Variants in MYBPH observed in about 807,000 individuals in gnomAD.
MYBPH encodes the protein myosin binding protein H, also known as myosin-binding protein H.
In MYBPH, 49 loss-of-function variants were observed where a neutral mutation model predicts 53.6. The observed-to-expected ratio is 0.91, with a 90% CI of 0.73 to 1.16. MYBPH has a LOEUF of 1.16. Ranked by LOEUF, MYBPH falls within the 50% of genes most tolerant of loss-of-function variation. The probability of loss-of-function intolerance (pLI) is 0.00; values close to 1 mark genes in which losing one functional copy is unlikely to be tolerated. For missense variants in MYBPH, 558 were observed against 624.1 expected, an observed-to-expected ratio of 0.89 and a Z score of 1.13; for synonymous variants, 239 against 249.6, an observed-to-expected ratio of 0.96 and a Z score of 0.40.
In MYBPH at chr1:203,171,937, G is replaced by C. The variant is rs1312816770; in HGVS notation, c.597+15C>G. Reference sequence around the variant, plus strand: ...TCCCACCCAGGCTGTTACCCTTGGTGGGGGTAATACCCACCTGGAAGGGGA... The same window carrying C: ...TCCCACCCAGGCTGTTACCCTTGGTCGGGGTAATACCCACCTGGAAGGGGA... On this transcript the variant is annotated intron_variant, in intron 4 of 10. Coordinates refer to ENST00000255416, the MANE Select transcript of MYBPH (RefSeq NM_004997.3). This position sits in a 1 kb window ranked among gnomAD's most constrained non-coding sequence, Gnocchi z 4.2. 1 of 1,323,078 alleles carries C rather than the reference G, an allele frequency of 7.6e-7. No homozygotes were observed. Among genetic ancestry groups the C allele is most frequent in the Admixed American group, 3.1e-5 (1 of 31,758 alleles). 82.0% of individuals were successfully genotyped at this position (1,323,078 alleles called of 1,614,324 possible). A position where few individuals can be genotyped will look rare whatever the true frequency, so the allele number is the denominator to read the frequency against.
chr1:203,176,056 G>C (rs1369302947), upstream of MYBPH, among the ~76,000 whole-genome samples: 1 of 152,184 alleles, frequency 6.6e-6, no homozygotes, highest in Non-Finnish European at 1.5e-5. Context: ...CTGGGGGAGG[G>C]CGCAGATGGG....
At position 203,170,288 on chromosome 1, in the gene MYBPH, C is replaced by T; in HGVS notation, c.1093+3G>A. ...GCACAGCCAGCTCCGGGCCCAAACC[C>T]ACCTGCCTTCTGGATGTGGGCGAGC... On this transcript the variant is annotated splice_donor_region_variant and intron_variant, in intron 7 of 10. Transcript: ENST00000255416. The T allele has an allele frequency of 6.2e-7, 1 of 1,614,032 alleles. No homozygotes were observed. The highest frequency in any genetic ancestry group is 1.1e-5 in the South Asian group (1 of 91,058).
intron 6 of MYBPH, 129 bp from the exon 7 acceptor site, chr1:203,170,579 G>A (rs1302786255): frequency 1.6e-6 from 2 of 1,229,212 alleles, no homozygotes; most frequent in East Asian, 5.1e-5. Context: ...ATCCAGCTTT[G>A]GGCCTCAGGG....
upstream of MYBPH, among the ~76,000 whole-genome samples, chr1:203,178,381 A>G (rs1263022441): frequency 6.6e-6 from 1 of 152,192 alleles, no homozygotes; most frequent in Non-Finnish European, 1.5e-5. Context: ...CAGCCACGGA[A>G]TGGGTTGCTT....
Position 203,171,026 on chromosome 1 carries a change from G to C in MYBPH, c.933+35C>G. 6.4e-7 allele frequency: 1 copy of C among 1,550,856 alleles called. No individual in the cohort carries two copies. Among genetic ancestry groups the C allele is most frequent in the Admixed American group, 2.0e-5 (1 of 50,874 alleles). ...CCTTCCCCACCACCTTGACCACTTCGTACCCCGACCCCACTTTGCCTCAGC... is the reference window on the plus strand; with the variant it reads ...CCTTCCCCACCACCTTGACCACTTCCTACCCCGACCCCACTTTGCCTCAGC... On this transcript the variant is annotated intron_variant, in intron 6 of 10. Transcript: ENST00000255416. The surrounding 1 kb of genome is among the most constrained non-coding windows in gnomAD (Gnocchi z 4.2).
chr1:203,172,006 A>G lies in MYBPH; in HGVS notation c.543T>C (p.Arg181=). The G allele has an allele frequency of 1.5e-6, 2 of 1,322,198 alleles. No homozygotes were observed. The highest frequency in any genetic ancestry group is 3.1e-5 in the South Asian group (1 of 32,576). The allele number at this position is 1,322,198 out of a possible 1,614,324, so 81.9% of individuals were successfully genotyped here. The change falls in exon 4 of 11, where the codon CGT becomes CGC. Residue 181 remains arginine, a synonymous_variant. Coordinates refer to ENST00000255416, the MANE Select transcript of MYBPH (RefSeq NM_004997.3). The part of the protein sequence containing the change: ...APKIRVPRHL[R]QTYIRQVGET... Reference sequence around the variant, plus strand: ...CTCCCACCTGGCGGATGTAGGTCTGACGGAGGTGGCGGGGGACACGGATCT... The same window carrying G: ...CTCCCACCTGGCGGATGTAGGTCTGGCGGAGGTGGCGGGGGACACGGATCT...
In MYBPH at chr1:203,171,010, C is replaced by A. The variant is rs374157951; in HGVS notation, c.933+51G>T. The A allele has an allele frequency of 3.3e-6, 5 of 1,523,406 alleles. No homozygotes were observed. The African/African-American group carries it at 6.9e-5, about 21-fold the overall frequency. The allele number at this position is 1,523,406 out of a possible 1,614,324, so 94.4% of individuals were successfully genotyped here. On this transcript the variant is annotated intron_variant, in intron 6 of 10. Coordinates refer to ENST00000255416, the MANE Select transcript of MYBPH (RefSeq NM_004997.3). The surrounding 1 kb of genome is among the most constrained non-coding windows in gnomAD (Gnocchi z 4.2). ...GACTCAGTGGGATGGGCCTTCCCCA[C>A]CACCTTGACCACTTCGTACCCCGAC... is the stretch of plus-strand genomic sequence containing the variant.
intron 2 of MYBPH, 128 bp downstream of exon 2, chr1:203,175,199 C>CCTA (rs962647365): frequency 1.7e-6 from 2 of 1,200,480 alleles, no homozygotes; most frequent in African/African-American, 3.1e-5. Flanking sequence ...GGTTGAGGAG[C>CCTA]CTACTGCTCG....
At chr1:203,169,781 A>G (rs1655661578) in intron 7 of MYBPH, among the ~76,000 whole-genome samples, 1 of 152,194 alleles carries the variant, frequency 6.6e-6, no homozygotes, top group Non-Finnish European at 1.5e-5. Context: ...TGGGTCGGAG[A>G]GGGCCTTGGG....
At position 203,170,408 on chromosome 1, in the gene MYBPH, T is replaced by A; in HGVS notation, c.976A>T (p.Thr326Ser). The A allele has an allele frequency of 3.7e-6, 6 of 1,614,122 alleles. No individual in the cohort carries two copies. Among genetic ancestry groups the A allele is most frequent in the Non-Finnish European group, 5.1e-6 (6 of 1,180,018 alleles). ...VLERYHPTTCTISDLIIGNSY... is the reference protein window; with the variant it reads ...VLERYHPTTCSISDLIIGNSY... ...TTGCCGATGATGAGGTCAGAGATGG[T>A]GCAGGTGGTTGGGTGGTAGCGCTCC... Residue 326 changes from threonine (T) to serine (S), a missense_variant, in exon 7 of 11, where the codon ACC becomes TCC. Thr to Ser is a moderately conservative substitution (Grantham distance 58, BLOSUM62 1). Transcript: ENST00000255416.
At chr1:203,176,365 G>T (rs1655809976), upstream of MYBPH, among the ~76,000 whole-genome samples, 1 of 152,150 alleles carries the variant, frequency 6.6e-6, no homozygotes, top group African/African-American at 2.4e-5. Flanking sequence ...AGATGCTGAG[G>T]GTGGAGCTGC....
intron 2 of MYBPH, among the ~76,000 whole-genome samples, chr1:203,174,802 G>A (rs1455962325): frequency 6.6e-6 from 1 of 152,160 alleles, no homozygotes; most frequent in African/African-American, 2.4e-5. Context: ...TAGAGATGAG[G>A]TTGTTGAAGC....
intron 6 of MYBPH, 62 bp from the exon 7 acceptor site, chr1:203,170,512 T>C: frequency 6.4e-7 from 1 of 1,571,136 alleles, no homozygotes; most frequent in Non-Finnish European, 8.7e-7. Context: ...CTGCTTACCC[T>C]GGAGACCTTT....
In MYBPH at chr1:203,174,640, C is replaced by T. The variant is rs969693125; in HGVS notation, c.341-43G>A. ...GTGTGAGGTCTTTGCAATGTGGCCA[C>T]AGGCGCCCCTCTCCATGGGGCTTCT... On this transcript the variant is annotated intron_variant, in intron 2 of 10. Coordinates refer to ENST00000255416, the MANE Select transcript of MYBPH (RefSeq NM_004997.3). The T allele has an allele frequency of 2.0e-6, 3 of 1,493,090 alleles. No homozygotes were observed. The African/African-American group carries it at 4.2e-5, about 21-fold the overall frequency. 92.5% of individuals were successfully genotyped at this position (1,493,090 alleles called of 1,614,324 possible).
At position 203,175,413 on chromosome 1, in the gene MYBPH, C is replaced by G; in HGVS notation, c.254G>C (p.Ser85Thr). ...GGGCTCCCAGCTCACAGTCACAGAG[C>G]TGCTGCTCACATCATCCAGGGTCAG... The part of the protein sequence containing the change: ...LLLTLDDVSS[S>T]SVTVSWEPPE... The change falls in exon 2 of 11, where the codon AGC (serine) becomes ACC (threonine). Residue 85 changes from serine to threonine, a missense_variant. Coordinates refer to ENST00000255416, the MANE Select transcript of MYBPH (RefSeq NM_004997.3). 6.4e-7 allele frequency: 1 copy of G among 1,555,568 alleles called. No individual in the cohort carries two copies. The highest frequency in any genetic ancestry group is 8.7e-7 in the Non-Finnish European group (1 of 1,150,344).
At position 203,171,661 on chromosome 1, in the gene MYBPH, G is replaced by A. The variant is rs1655699714; in HGVS notation, c.598-83C>T. 7.4e-7 allele frequency: 1 copy of A among 1,355,030 alleles called. No individual in the cohort carries two copies. The highest frequency in any genetic ancestry group is 2.6e-5 in the Admixed American group (1 of 38,064). 83.9% of individuals were successfully genotyped at this position (1,355,030 alleles called of 1,614,324 possible). A position where few individuals can be genotyped will look rare whatever the true frequency, so the allele number is the denominator to read the frequency against. On this transcript the variant is annotated intron_variant, in intron 4 of 10. Transcript: ENST00000255416. The surrounding 1 kb of genome is among the most constrained non-coding windows in gnomAD (Gnocchi z 4.2). ...CTTAACTCCAGGAGTCTCTGGAGCTGTTCTCGGGGAAGCCTGTCCCACTGG... is the reference window on the plus strand; with the variant it reads ...CTTAACTCCAGGAGTCTCTGGAGCTATTCTCGGGGAAGCCTGTCCCACTGG...
Position 203,174,434 on chromosome 1 carries a change from G to A in MYBPH, c.504C>T (p.Asn168=), listed in dbSNP as rs1558145310. Residue 168 remains asparagine, a synonymous_variant, in exon 3 of 11, where the codon AAC becomes AAT. Transcript: ENST00000255416. The part of the protein sequence containing the change: ...MLDQPIHIRE[N]IEAPKIRVPR... ...GAAGGCCAGGATGGGCTTTACCAAT[G>A]TTCTCTCGGATGTGGATGGGCTGGT... The A allele has an allele frequency of 6.3e-7, 1 of 1,585,380 alleles. No homozygotes were observed. Among genetic ancestry groups the A allele is most frequent in the Non-Finnish European group, 8.6e-7 (1 of 1,159,022 alleles).
intron 8 of MYBPH, 77 bp downstream of exon 8, chr1:203,169,176 C>T (rs33945931): frequency 0.069 from 109,299 of 1,577,944 alleles, 4,794 homozygotes; most frequent in South Asian, 0.2. Context: ...TAGGTGTGGA[C>T]GCCCGGAGGA....
rs1655647495 is a variant in MYBPH at position 203,169,178 on chromosome 1, CCCGGAGGATTCCTCAG to C, written c.1230+59_1230+74del. The C allele has an allele frequency of 5.1e-6, 8 of 1,577,840 alleles. No homozygotes were observed. In the Admixed American group the frequency reaches 1.4e-4, roughly 28 times the overall value. ...CTATCCCCAGGCTTAGGTGTGGACG[CCCGGAGGATTCCTCAG>C]CCCTGCTGTCCCCACCTGCCCCCAC... On this transcript the variant is annotated intron_variant, in intron 8 of 10. Coordinates refer to ENST00000255416, the MANE Select transcript of MYBPH (RefSeq NM_004997.3).
Sources: allele counts gnomAD v4.1 joint callset (sites outside exome capture counted in the v4.1 genomes callset), GRCh38; gene constraint gnomAD v4.1.1; non-coding constraint Gnocchi (gnomAD v3.1); transcripts MANE v1.5; gene names NCBI Gene and HGNC (gene_info 2026-07-23, HGNC 2026-07-21).